NAF1: variants seen among roughly 807,000 people sequenced by gnomAD.
The protein encoded by NAF1 is H/ACA ribonucleoprotein complex non-core subunit NAF1.
A neutral mutation model predicts 40.6 loss-of-function variants in NAF1; 11 were observed. That is an observed-to-expected ratio of 0.27 (90% CI 0.17 to 0.45). NAF1 has a LOEUF of 0.45. NAF1 is among the 20% of genes least tolerant of loss of function. NAF1 has a pLI of 1.00. For missense variants in NAF1, 607 were observed against 611.1 expected (o/e 0.99, Z 0.07); for synonymous variants, 260 against 228.5 (o/e 1.14, Z -1.24).
chr4:163,117,211 T>C (rs186240019), intron 2 of NAF1, among the ~76,000 whole-genome samples: 83 of 152,300 alleles, frequency 5.4e-4, no homozygotes, highest in Middle Eastern at 3.4e-3. Flanking sequence ...TCTTCCCATC[T>C]GTACCCAAGG....
At chr4:163,127,319 A>G (rs1373853285), downstream of NAF1, among the ~76,000 whole-genome samples, 2 of 152,204 alleles carry the variant, frequency 1.3e-5, no homozygotes, top group East Asian at 1.9e-4. Context: ...TACTAGAGGC[A>G]GGGTTTCGTT....
At chr4:163,147,983 C>A (rs146033825) in intron 3 of NAF1, among the ~76,000 whole-genome samples, 1 of 152,146 alleles carries the variant, frequency 6.6e-6, no homozygotes, top group Admixed American at 6.5e-5. Context: ...CCTGTTAACA[C>A]CTTTGATTTT....
At chr4:163,109,864 G>C (rs1343697493), downstream of NAF1, among the ~76,000 whole-genome samples, 3 of 152,184 alleles carry the variant, frequency 2.0e-5, no homozygotes. Flanking sequence ...GGTGAGGTCT[G>C]AATAAGCAAT....
At chr4:163,165,889 T>C (rs190443214) in intron 1 of NAF1, among the ~76,000 whole-genome samples, 7 of 151,814 alleles carry the variant, frequency 4.6e-5, no homozygotes, top group Admixed American at 6.5e-5. Context: ...TAAATTAACG[T>C]AATCATCAAG....
downstream of NAF1, among the ~76,000 whole-genome samples, chr4:163,105,109 G>A (rs1158332905): frequency 6.6e-6 from 1 of 152,158 alleles, no homozygotes; most frequent in Non-Finnish European, 1.5e-5. Context: ...TGTTCCTGGT[G>A]TGTATTGTTA....
chr4:163,142,953 T>A (rs954922892), intron 4 of NAF1, among the ~76,000 whole-genome samples: 3 of 152,176 alleles, frequency 2.0e-5, no homozygotes, highest in African/African-American at 7.2e-5. Flanking sequence ...ATTCTGGAAC[T>A]TCCATACTAC....
At position 163,164,374 on chromosome 4, in the gene NAF1, C is replaced by A; in HGVS notation, c.383G>T (p.Ser128Ile). Reference sequence around the variant, plus strand: ...TGAAGAGGAAGACGATGAACTTGAACTATCTGAATCTGTTTCACTGTAGGG... The same window carrying A: ...TGAAGAGGAAGACGATGAACTTGAAATATCTGAATCTGTTTCACTGTAGGG... ...SDSDSETDSD[S>I]SSSSSSSSSS... The change falls in exon 2 of 8, where the codon AGT becomes ATT. Residue 128 changes from serine (S) to isoleucine (I), a missense_variant. Ser to Ile is a moderately radical substitution (Grantham distance 142). Coordinates refer to ENST00000274054, the MANE Select transcript of NAF1 (RefSeq NM_138386.3). The A allele has an allele frequency of 6.4e-7, 1 of 1,573,454 alleles. No homozygotes were observed. The highest frequency in any genetic ancestry group is 1.2e-5 in the South Asian group (1 of 82,148).
chr4:163,121,213 A>C (rs1426348869), intron 2 of NAF1, among the ~76,000 whole-genome samples: 1 of 151,942 alleles, frequency 6.6e-6, no homozygotes, highest in East Asian at 1.9e-4. Context: ...TTAAGGGAAT[A>C]TTTCTCAACT....
At chr4:163,148,181 T>G (rs1294584858) in intron 3 of NAF1, among the ~76,000 whole-genome samples, 160 bp downstream of exon 3, 1 of 152,172 alleles carries the variant, frequency 6.6e-6, no homozygotes, top group African/African-American at 2.4e-5. Context: ...ATATATAATT[T>G]TAGTATATGA....
chr4:163,141,994 T>C, intron 4 of NAF1: 1 of 827,600 alleles, frequency 1.2e-6, no homozygotes, highest in Non-Finnish European at 1.5e-6. Flanking sequence ...CATTAAAAAC[T>C]ATTAAAATGC....
At chr4:163,148,548 A>G (rs1482051408) in intron 2 of NAF1, 114 bp from the exon 3 acceptor site, 4 of 693,070 alleles carry the variant, frequency 5.8e-6, no homozygotes, top group Admixed American at 3.0e-5. Context: ...AAGTGCTTAG[A>G]GCATCTCTTT....
chr4:163,166,401 G>C lies in NAF1; in HGVS notation c.327C>G (p.Asp109Glu). Reference protein sequence around the residue: ...PGAAEPARAPDSLETSDSDSD... With the variant: ...PGAAEPARAPESLETSDSDSD... ...AATCCGAGTCCGAGGTCTCCAAGGA[G>C]TCCGGCGCCCGCGCAGGCTCTGCGG... Residue 109 changes from aspartate (D) to glutamate (E), a missense_variant, in exon 1 of 8, where the codon GAC (aspartate) becomes GAG (glutamate). This residue lies in a region of NAF1 where 407 missense variants were observed against 365.5 expected (regional missense o/e 1.11). Coordinates refer to ENST00000274054, the MANE Select transcript of NAF1 (RefSeq NM_138386.3). The C allele has an allele frequency of 1.2e-6, 2 of 1,607,604 alleles. No homozygotes were observed. Among genetic ancestry groups the C allele is most frequent in the African/African-American group, 1.3e-5 (1 of 74,854 alleles).
intron 2 of NAF1, among the ~76,000 whole-genome samples, chr4:163,120,301 A>G (rs1213053403): frequency 2.6e-5 from 4 of 152,352 alleles, no homozygotes; most frequent in African/African-American, 7.2e-5. Flanking sequence ...GTTCATCTCT[A>G]TCATCCAAAC....
In NAF1 at chr4:163,164,217, A is replaced by C; in HGVS notation, c.540T>G (p.Asn180Lys). The C allele has an allele frequency of 6.5e-7, 1 of 1,533,176 alleles. No homozygotes were observed. Among genetic ancestry groups the C allele is most frequent in the Non-Finnish European group, 8.8e-7 (1 of 1,142,216 alleles). The allele number at this position is 1,533,176 out of a possible 1,614,324, so 95.0% of individuals were successfully genotyped here. ...PLKTKDELLL[N>K]ELPSVEELTI... ...AAGCTTAATAAATCTAAGTACTTACATTAAGAAGTAATTCATCTTTTGTTT... is the reference window on the plus strand; with the variant it reads ...AAGCTTAATAAATCTAAGTACTTACCTTAAGAAGTAATTCATCTTTTGTTT... The change falls in exon 2 of 8, where the codon AAT becomes AAG. Residue 180 changes from asparagine (N) to lysine (K), a missense_variant and splice_region_variant. Coordinates refer to ENST00000274054, the MANE Select transcript of NAF1 (RefSeq NM_138386.3).
At chr4:163,108,729 G>T (rs939960298), downstream of NAF1, 2 of 152,046 alleles carry the variant, frequency 1.3e-5, no homozygotes, top group Non-Finnish European at 2.9e-5. Flanking sequence ...TTCAATTAAA[G>T]TTAACACAGG....
At chr4:163,123,502 C>CA (rs146880017), downstream of NAF1, among the ~76,000 whole-genome samples, 1,240 of 152,250 alleles carry the variant, frequency 8.1e-3, 18 homozygotes, top group African/African-American at 0.027. Context: ...CTGCCTCAGC[C>CA]ACTTGAGTAG....
chr4:163,129,906 G>C (rs1730803198), intron 7 of NAF1, among the ~76,000 whole-genome samples: 1 of 152,160 alleles, frequency 6.6e-6, no homozygotes, highest in African/African-American at 2.4e-5. Flanking sequence ...ACTGGTGTCA[G>C]TGCATACCAT....
rs1477128278 is a variant in NAF1, at chr4:163,116,508, T to A, written c.115-6218A>T. Among the ~76,000 whole-genome samples the A allele has an allele frequency of 2.0e-5, 3 of 152,298 alleles. 1 individual carries two copies. Among genetic ancestry groups the A allele is most frequent in the African/African-American group, 7.2e-5 (3 of 41,560 alleles). On this transcript the variant is annotated intron_variant, in intron 2 of 2. Coordinates refer to the NAF1 transcript ENST00000509434. ...ACTAATGTCTCCTTAAATATAAATTTAACAGTTTTTTTCCTTAGTCTTTGT... is the reference window on the plus strand; with the variant it reads ...ACTAATGTCTCCTTAAATATAAATTAAACAGTTTTTTTCCTTAGTCTTTGT...
intron 2 of NAF1, 103 bp downstream of exon 2, chr4:163,164,114 A>T (rs61486107): frequency 0.081 from 107,296 of 1,320,686 alleles, 4,852 homozygotes; most frequent in Non-Finnish European, 0.09. Flanking sequence ...GCTGAGAATA[A>T]ATTTCAAATT....
Sources: allele counts gnomAD v4.1 joint callset (sites outside exome capture counted in the v4.1 genomes callset), GRCh38; gene constraint gnomAD v4.1.1; regional missense constraint gnomAD v4.1.1; transcripts MANE v1.5; gene names NCBI Gene and HGNC (gene_info 2026-07-23, HGNC 2026-07-21).